The following KLC3 variants were observed in gnomAD, a reference collection of about 807,000 sequenced individuals.
KLC3 encodes kinesin light chain 3.
Under a neutral mutation model 62.9 loss-of-function variants are expected in KLC3, and 72 were observed. That is an observed-to-expected ratio of 1.15 (90% confidence interval 0.95 to 1.39). The LOEUF (loss-of-function observed/expected upper bound fraction) is 1.39. Among genes scored for constraint, KLC3 ranks in the 40% most tolerant of loss-of-function variants. KLC3 has a pLI of 0.00. For missense variants in KLC3, 848 were observed against 691.6 expected, an observed-to-expected ratio of 1.23 and a Z score of -2.54; for synonymous variants, 377 against 300.5, an observed-to-expected ratio of 1.25 and a Z score of -2.63.
intron 1 of KLC3, among the ~76,000 whole-genome samples, chr19:45,342,788 T>C (rs1021937908): frequency 1.4e-4 from 21 of 152,048 alleles, no homozygotes; most frequent in Admixed American, 5.3e-4. Context: ...ATTAAATTTT[T>C]TAAAGGTTGA....
chr19:45,349,704 G>GGCCCCCCCCCCC, intron 8 of KLC3, 102 bp downstream of exon 8: 2 of 815,780 alleles, frequency 2.5e-6, no homozygotes. Flanking sequence ...GGTGGGGGGG[G>GGCCCCCCCCCCC]GCCCCCCAGG....
At chr19:45,346,442 A>T (rs755541360) in intron 2 of KLC3, 102 bp from the exon 3 acceptor site, 1 of 959,044 alleles carries the variant, frequency 1.0e-6, no homozygotes, top group Non-Finnish European at 1.5e-6. Context: ...GGTGTCGTGC[A>T]TAGTAGTGGG....
In KLC3 at chr19:45,348,697, G is replaced by A. The variant is rs373319437; in HGVS notation, c.831G>A (p.Gln277=). 1.3e-5 allele frequency: 20 copies of A among 1,596,960 alleles called. No individual in the cohort carries two copies. The East Asian group carries it at 1.6e-4, about 13-fold the overall frequency. ...EATDLLHDAL[Q]IREQTLGPEH... is the part of the protein sequence containing the mutation. ...CAGACCTTCTCCATGATGCCCTGCA[G>A]ATCCGGGAGCAGACGCTGGGCCCTG... Residue 277 remains glutamine, a synonymous_variant, in exon 6 of 13, where the codon CAG becomes CAA. Coordinates refer to ENST00000391946, the MANE Select transcript of KLC3 (RefSeq NM_177417.3).
At chr19:45,343,756 AAAATGT>A (rs1159709785) in intron 1 of KLC3, among the ~76,000 whole-genome samples, 1 of 152,212 alleles carries the variant, frequency 6.6e-6, no homozygotes, top group African/African-American at 2.4e-5. Flanking sequence ...TTCTAAAAGG[AAAATGT>A]AAATGTTTTT....
chr19:45,345,231 G>C (rs1971464236), intron 1 of KLC3: 1 of 539,120 alleles, frequency 1.9e-6, no homozygotes, highest in Non-Finnish European at 3.3e-6. Context: ...CCCCAGGCTA[G>C]CTGTTTGCTT....
At chr19:45,346,242 G>A (rs1971487982) in intron 2 of KLC3, among the ~76,000 whole-genome samples, 2 of 152,062 alleles carry the variant, frequency 1.3e-5, no homozygotes, top group Admixed American at 6.5e-5. Flanking sequence ...GGAAGGGGAG[G>A]CTCCAGGTCA....
chr19:45,348,767 A>C, intron 6 of KLC3, 34 bp downstream of exon 6: 1 of 1,563,342 alleles, frequency 6.4e-7, no homozygotes, highest in Non-Finnish European at 8.7e-7. Flanking sequence ...AAGTGGGGTC[A>C]AAGTGGGGCC....
Position 45,351,412 on chromosome 19 carries a change from G to A in KLC3, c.*55G>A. 6.3e-7 allele frequency: 1 copy of A among 1,598,316 alleles called. No individual in the cohort carries two copies. Among genetic ancestry groups the A allele is most frequent in the East Asian group, 2.2e-5 (1 of 44,726 alleles). ...CTTGGGAACAGTGCAGGAGGGATGG[G>A]CTGGTGGGGTGAGAGGGGGTCTATC... On this transcript the variant is annotated 3_prime_UTR_variant, in exon 13 of 13. Coordinates refer to ENST00000391946, the MANE Select transcript of KLC3 (RefSeq NM_177417.3).
At position 45,347,110 on chromosome 19, in the gene KLC3, A is replaced by C. The variant is rs1237303313; in HGVS notation, c.489+336A>C. 3 of 408,402 alleles carry C rather than the reference A, an allele frequency of 7.3e-6. No homozygotes were observed. In the East Asian group the frequency reaches 1.4e-4, roughly 19 times the overall value. 25.3% of individuals were successfully genotyped at this position (408,402 alleles called of 1,614,324 possible). ...GTAATCCCAACACTTTGGGAGGCCG[A>C]GGCGAGCAGATCACCTGAGGTCCGG... On this transcript the variant is annotated intron_variant, in intron 3 of 12. Transcript: ENST00000391946.
intron 12 of KLC3, 72 bp from the exon 13 acceptor site, chr19:45,351,214 C>G (rs1408811789): frequency 6.9e-6 from 11 of 1,589,680 alleles, no homozygotes; most frequent in Admixed American, 1.7e-5. Flanking sequence ...CCAGGCTGGA[C>G]CTGGAGCTGG....
In KLC3 at chr19:45,348,018, CTCGTGA is replaced by C. The variant is rs776877730; in HGVS notation, c.640_645del (p.Val214_Ile215del). 1 of 1,609,234 alleles carries C rather than the reference CTCGTGA, an allele frequency of 6.2e-7. No individual in the cohort carries two copies. Among genetic ancestry groups the C allele is most frequent in the African/African-American group, 1.3e-5 (1 of 74,870 alleles). ...TGCCCGCCTTCGGACCCTGCATAAC[CTCGTGA>C]TCCAGTACGCGGGGCAGGGCCGCTA... On this transcript the variant is annotated inframe_deletion, in exon 5 of 13. Transcript: ENST00000391946.
At position 45,350,678 on chromosome 19, in the gene KLC3, A is replaced by G. The variant is rs750413106; in HGVS notation, c.1310A>G (p.Glu437Gly). 3.1e-6 allele frequency: 5 copies of G among 1,613,548 alleles called. No individual in the cohort carries two copies. Among genetic ancestry groups the G allele is most frequent in the African/African-American group, 1.3e-5 (1 of 74,822 alleles). The change falls in exon 11 of 13, where the codon GAG becomes GGG. Residue 437 changes from glutamate to glycine, a missense_variant. Transcript: ENST00000391946. ...RRSSSLSKIR[E>G]SIRRGSEKLV... ...AGCAGCTCACTCTCCAAGATCCGTG[A>G]GTCTATCAGGCGAGGAAGTGAGAAG...
At position 45,349,505 on chromosome 19, in the gene KLC3, T is replaced by A. The variant is rs1204181964; in HGVS notation, c.1046T>A (p.Phe349Tyr). Residue 349 changes from phenylalanine (F) to tyrosine (Y), a missense_variant, in exon 8 of 13, where the codon TTT (phenylalanine) becomes TAT (tyrosine). Phe to Tyr is a conservative substitution (Grantham distance 22). Transcript: ENST00000391946. ...LALLCQNQGK[F>Y]EDVERHYARA... ...CTGCTGTGCCAGAACCAGGGCAAGTTTGAGGACGTGGAGCGGCACTATGCC... is the reference window on the plus strand; with the variant it reads ...CTGCTGTGCCAGAACCAGGGCAAGTATGAGGACGTGGAGCGGCACTATGCC... The A allele has an allele frequency of 1.2e-6, 2 of 1,613,734 alleles. No homozygotes were observed. The highest frequency in any genetic ancestry group is 1.7e-5 in the Admixed American group (1 of 59,992).
intron 3 of KLC3, chr19:45,347,101 G>C: frequency 4.8e-6 from 2 of 416,474 alleles, no homozygotes; most frequent in Non-Finnish European, 4.3e-6. Flanking sequence ...CCAACACTTT[G>C]GGAGGCCGAG....
rs765121012 is a variant in KLC3 at position 45,348,641 on chromosome 19, C to A, written c.780-5C>A. ...CCCCCTCCATTCCTGGGGCGCCCCC[C>A]ACAGGGACCAGAACAAGTACAAAGA... On this transcript the variant is annotated splice_polypyrimidine_tract_variant and splice_region_variant and intron_variant, in intron 5 of 12. Transcript: ENST00000391946. The A allele has an allele frequency of 1.3e-6, 2 of 1,569,950 alleles. No individual in the cohort carries two copies. The highest frequency in any genetic ancestry group is 1.2e-5 in the South Asian group (1 of 85,408).
intron 3 of KLC3, 66 bp downstream of exon 3, chr19:45,346,840 C>T (rs1971508560): frequency 7.1e-7 from 1 of 1,413,384 alleles, no homozygotes. Flanking sequence ...CCCCCAGACC[C>T]TCCTTAGAAT....
intron 3 of KLC3, chr19:45,347,219 G>A (rs1971521560): frequency 1.9e-6 from 1 of 520,980 alleles, no homozygotes; most frequent in Non-Finnish European, 3.4e-6. Flanking sequence ...GCACATGCCT[G>A]TAATCCCAGC....
chr19:45,341,529 G>A (rs1008124248), intron 1 of KLC3, among the ~76,000 whole-genome samples: 13 of 151,460 alleles, frequency 8.6e-5, no homozygotes, highest in Non-Finnish European at 1.8e-4. Context: ...GAGGCTGTGC[G>A]GCTGTGGTTG....
intron 3 of KLC3, 128 bp from the exon 4 acceptor site, chr19:45,347,319 G>T (rs1971524019): frequency 3.0e-6 from 2 of 665,290 alleles, no homozygotes; most frequent in South Asian, 3.8e-5. Flanking sequence ...TCCAGCCTGT[G>T]CAACAAGCGA....
Sources: allele counts gnomAD v4.1 joint callset (sites outside exome capture counted in the v4.1 genomes callset), GRCh38; gene constraint gnomAD v4.1.1; transcripts MANE v1.5; gene names NCBI Gene and HGNC (gene_info 2026-07-23, HGNC 2026-07-21).